MBNL1: variants seen among roughly 807,000 people sequenced by gnomAD.
MBNL1 encodes the protein muscleblind-like protein 1.
MBNL1 carries 8 observed loss-of-function variants against 42.2 expected under a neutral mutation model. That is an observed-to-expected ratio of 0.19 (90% CI 0.11 to 0.34). MBNL1 has a LOEUF of 0.34. Among genes scored for constraint, MBNL1 ranks in the 10% least tolerant of loss-of-function variants. The pLI, the probability that MBNL1 is intolerant of heterozygous loss-of-function variation, is 1.00. For synonymous variants in MBNL1, 169 were observed against 173.9 expected, an observed-to-expected ratio of 0.97 and a Z score of 0.22; for missense variants, 309 against 495.3, an observed-to-expected ratio of 0.62 and a Z score of 3.57.
chr3:152,331,950 C>T lies in MBNL1; in HGVS notation c.174+31583C>T, dbSNP rs533178912. On this transcript the variant is annotated intron_variant, in intron 2 of 9. Coordinates refer to ENST00000324210, the MANE Select transcript of MBNL1 (RefSeq NM_021038.5). ...CAAGTGATCCACCCGCCTCAGCCTC[C>T]CAAAGTGCTGGGATTACAGGTGTGA... Among the ~76,000 whole-genome samples the T allele has an allele frequency of 1.8e-3, 269 of 152,258 alleles. 1 individual carries two copies. Among genetic ancestry groups the T allele is most frequent in the African/African-American group, 6.0e-3 (251 of 41,566 alleles).
upstream of MBNL1, chr3:152,266,031 A>G (rs560388633): frequency 3.3e-5 from 5 of 152,372 alleles, no homozygotes; most frequent in Non-Finnish European, 5.9e-5. Context: ...TAGTTTTAAC[A>G]TGATCTGGTG....
intron 2 of MBNL1, among the ~76,000 whole-genome samples, chr3:152,352,353 T>G (rs1318061900): frequency 6.6e-6 from 1 of 152,182 alleles, no homozygotes; most frequent in Non-Finnish European, 1.5e-5. Flanking sequence ...CATCTTGTTT[T>G]CTTCTAGAGA....
At chr3:152,342,727 A>G (rs2093564652) in intron 2 of MBNL1, among the ~76,000 whole-genome samples, 1 of 152,154 alleles carries the variant, frequency 6.6e-6, no homozygotes, top group Non-Finnish European at 1.5e-5. Flanking sequence ...AGCATAGTTT[A>G]GTGGCTTAGG....
chr3:152,421,995 C>G (rs2098813318), intron 3 of MBNL1, among the ~76,000 whole-genome samples: 2 of 151,456 alleles, frequency 1.3e-5, no homozygotes, highest in African/African-American at 4.9e-5. Flanking sequence ...ATGTAAACAC[C>G]ATTGACATAT....
chr3:152,304,752 A>T (rs2062211459), intron 2 of MBNL1, among the ~76,000 whole-genome samples: 1 of 152,224 alleles, frequency 6.6e-6, no homozygotes, highest in Non-Finnish European at 1.5e-5. Context: ...ATATCCTGTG[A>T]ATATGCTGCA....
At chr3:152,370,976 G>A (rs1269247796) in intron 2 of MBNL1, among the ~76,000 whole-genome samples, 2 of 151,876 alleles carry the variant, frequency 1.3e-5, no homozygotes, top group Non-Finnish European at 2.9e-5. Context: ...GTCTTTTAAC[G>A]GGGGCATTTA....
At chr3:152,313,090 T>C (rs1034442986) in intron 2 of MBNL1, among the ~76,000 whole-genome samples, 3 of 151,908 alleles carry the variant, frequency 2.0e-5, no homozygotes, top group Non-Finnish European at 2.9e-5. Flanking sequence ...TGGCACGATC[T>C]CGGCTCACTG....
chr3:152,295,652 A>G (rs1454358890), intron 1 of MBNL1, among the ~76,000 whole-genome samples: 4 of 152,226 alleles, frequency 2.6e-5, no homozygotes, highest in Non-Finnish European at 5.9e-5. Flanking sequence ...AAGTACCAGA[A>G]ACATTCTGAG....
chr3:152,459,614 G>A (rs1176884457), intron 9 of MBNL1, among the ~76,000 whole-genome samples: 3 of 152,058 alleles, frequency 2.0e-5, no homozygotes, highest in Non-Finnish European at 2.9e-5. Context: ...TGACCAAAAA[G>A]TAATTAGAAG....
chr3:152,267,783 CTT>C (rs1050614365), upstream of MBNL1: 1 of 152,190 alleles, frequency 6.6e-6, no homozygotes, highest in Non-Finnish European at 1.5e-5. Context: ...TATTTCTGCA[CTT>C]TAGCACCTTT....
At chr3:152,385,879 C>T (rs1426002498) in intron 2 of MBNL1, among the ~76,000 whole-genome samples, 3 of 151,956 alleles carry the variant, frequency 2.0e-5, no homozygotes, top group African/African-American at 7.2e-5. Context: ...TAGAGTAGTT[C>T]ACTATTTTAT....
chr3:152,363,430 G>A (rs564253097), intron 2 of MBNL1, among the ~76,000 whole-genome samples: 80 of 152,228 alleles, frequency 5.3e-4, no homozygotes, highest in African/African-American at 1.9e-3. Flanking sequence ...GTTGAATAGA[G>A]GTGTAAGATC....
intron 2 of MBNL1, among the ~76,000 whole-genome samples, chr3:152,401,074 A>G (rs2098196964): frequency 1.3e-5 from 2 of 152,152 alleles, no homozygotes; most frequent in South Asian, 4.2e-4. Context: ...TTTTATTTAT[A>G]ATATACAGTC....
chr3:152,380,726 G>GTTT (rs575153368), intron 2 of MBNL1, among the ~76,000 whole-genome samples: 6 of 149,162 alleles, frequency 4.0e-5, no homozygotes, highest in Admixed American at 2.7e-4. Context: ...CCTATATTGA[G>GTTT]TTTTTTTTTT....
chr3:152,270,028 T>C (rs997761889), intron 1 of MBNL1, among the ~76,000 whole-genome samples: 2 of 151,738 alleles, frequency 1.3e-5, no homozygotes, highest in Non-Finnish European at 2.9e-5. Flanking sequence ...GTGGCGCTTA[T>C]GCCTTCCCCT....
At chr3:152,287,034 A>G (rs1255200566) in intron 1 of MBNL1, among the ~76,000 whole-genome samples, 1 of 152,096 alleles carries the variant, frequency 6.6e-6, no homozygotes, top group East Asian at 1.9e-4. Context: ...CCTGGCTAAC[A>G]TGGTGAAACC....
At chr3:152,342,814 T>C (rs2093581486) in intron 2 of MBNL1, among the ~76,000 whole-genome samples, 1 of 152,168 alleles carries the variant, frequency 6.6e-6, no homozygotes, top group Admixed American at 6.6e-5. Context: ...ACTACACATA[T>C]TAAACTAAAA....
intron 4 of MBNL1, among the ~76,000 whole-genome samples, chr3:152,434,228 A>G (rs370238875): frequency 2.7e-3 from 411 of 152,234 alleles, no homozygotes; most frequent in African/African-American, 9.5e-3. Flanking sequence ...AATAGGCCCT[A>G]ACATCTGTTA....
At position 152,445,294 on chromosome 3, in the gene MBNL1, T is replaced by C; in HGVS notation, c.562T>C (p.Tyr188His). 6.2e-7 allele frequency: 1 copy of C among 1,613,820 alleles called. No individual in the cohort carries two copies. The highest frequency in any genetic ancestry group is 1.1e-5 in the South Asian group (1 of 91,070). Residue 188 changes from tyrosine (Y) to histidine (H), a missense_variant, in exon 5 of 10, where the codon TAC becomes CAC. Physicochemically the swap from Tyr to His is moderately conservative, Grantham distance 83. Transcript: ENST00000324210. ...RTDRLEVCRE[Y>H]QRGNCNRGEN... Reference sequence around the variant, plus strand: ...AATGACCTCATAGGTATGTCGAGAGTACCAACGTGGCAATTGCAACCGAGG... The same window carrying C: ...AATGACCTCATAGGTATGTCGAGAGCACCAACGTGGCAATTGCAACCGAGG...
Sources: gnomAD v4.1 joint callset for allele counts (sites outside exome capture counted in the v4.1 genomes callset) on GRCh38, gnomAD v4.1.1 for gene constraint, MANE v1.5 for transcripts, NCBI Gene and HGNC (gene_info 2026-07-23, HGNC 2026-07-21) for gene names.